The following KCNJ3 variants were observed in gnomAD, a reference collection of about 807,000 sequenced individuals.
The protein encoded by KCNJ3 is G protein-activated inward rectifier potassium channel 1.
In KCNJ3, 4 loss-of-function variants were observed where a neutral mutation model predicts 39.2. The ratio of observed to expected loss-of-function variants is 0.10; its 90% confidence interval spans 0.05 to 0.23. The LOEUF (loss-of-function observed/expected upper bound fraction) is 0.23, where lower values mean the gene tolerates loss of function less well. KCNJ3 is among the 10% of genes least tolerant of loss of function. KCNJ3 has a pLI of 1.00. For missense variants in KCNJ3, 276 were observed against 634.9 expected (o/e 0.43, Z 6.08); for synonymous variants, 230 against 237.4 (o/e 0.97, Z 0.29).
At chr2:154,726,085 G>C (rs1685352970) in intron 2 of KCNJ3, among the ~76,000 whole-genome samples, 1 of 152,000 alleles carries the variant, frequency 6.6e-6, no homozygotes, top group Non-Finnish European at 1.5e-5. Context: ...AAAAGCAAAT[G>C]CAGCAAAAAC....
At chr2:154,827,785 A>C (rs535446797) in intron 2 of KCNJ3, among the ~76,000 whole-genome samples, 1 of 152,204 alleles carries the variant, frequency 6.6e-6, no homozygotes. Flanking sequence ...ACTGTAATAT[A>C]TTCTAATCAA....
intron 2 of KCNJ3, among the ~76,000 whole-genome samples, chr2:154,787,750 A>AT (rs76245957): frequency 0.16 from 23,583 of 151,168 alleles, 1,940 homozygotes; most frequent in East Asian, 0.33. Context: ...CAACTCAAAC[A>AT]TTTTTTTCAT....
At chr2:154,846,052 G>A (rs975672185) in intron 2 of KCNJ3, among the ~76,000 whole-genome samples, 2 of 152,022 alleles carry the variant, frequency 1.3e-5, no homozygotes. Context: ...GTTAAAGGTA[G>A]TGCTTTGTCA....
At position 154,857,966 on chromosome 2, in the gene KCNJ3, G is replaced by A. The variant is rs1414001439; in HGVS notation, c.*2653G>A. 9.5e-5 allele frequency: 7 copies of A among 73,306 alleles called. No individual in the cohort carries two copies. The highest frequency in any genetic ancestry group is 3.5e-5 in the Non-Finnish European group (1 of 28,430). 4.5% of individuals were successfully genotyped at this position (73,306 alleles called of 1,614,324 possible). A position where few individuals can be genotyped will look rare whatever the true frequency, so the allele number is the denominator to read the frequency against. On this transcript the variant is annotated 3_prime_UTR_variant, in exon 3 of 3. Coordinates refer to ENST00000295101, the MANE Select transcript of KCNJ3 (RefSeq NM_002239.4). ...GTAACATAATGCAAAGTAACTGTGT[G>A]GAATAAAAATTGATTATTTTAGAAA... is the stretch of plus-strand genomic sequence containing the variant.
At chr2:154,799,809 T>A (rs1686780575) in intron 2 of KCNJ3, among the ~76,000 whole-genome samples, 1 of 152,194 alleles carries the variant, frequency 6.6e-6, no homozygotes, top group Non-Finnish European at 1.5e-5. Flanking sequence ...CTCATCAGTG[T>A]TCTCTGTTCT....
chr2:154,844,866 C>G (rs1210693855), intron 2 of KCNJ3, among the ~76,000 whole-genome samples: 1 of 152,182 alleles, frequency 6.6e-6, no homozygotes, highest in Non-Finnish European at 1.5e-5. Context: ...CTTCCCATGG[C>G]TAGGAAAGGG....
intron 2 of KCNJ3, among the ~76,000 whole-genome samples, chr2:154,770,892 C>CTTTTTTTTTTTTTT (rs35293315): frequency 9.4e-5 from 12 of 127,656 alleles, no homozygotes; most frequent in Non-Finnish European, 1.8e-4. Flanking sequence ...TTTTCTTTTT[C>CTTTTTTTTTTTTTT]TTTTTTTTTT....
intron 2 of KCNJ3, among the ~76,000 whole-genome samples, chr2:154,809,888 TTA>T (rs35622339): frequency 0.53 from 79,204 of 149,654 alleles, 21,085 homozygotes; most frequent in Non-Finnish European, 0.58. Context: ...ATAGAAAATA[TTA>T]TATATATATA....
intron 2 of KCNJ3, among the ~76,000 whole-genome samples, chr2:154,730,023 G>T (rs1685424655): frequency 6.6e-6 from 1 of 151,890 alleles, no homozygotes; most frequent in Non-Finnish European, 1.5e-5. Context: ...GCTTTTCCTA[G>T]TTGGGTTCAT....
At chr2:154,715,242 A>C (rs915129473) in intron 2 of KCNJ3, among the ~76,000 whole-genome samples, 15 of 152,220 alleles carry the variant, frequency 9.9e-5, no homozygotes, top group African/African-American at 3.6e-4. Context: ...TACAGATAGC[A>C]AAATACTGCC....
At chr2:154,703,294 C>G (rs1684942131) in intron 1 of KCNJ3, among the ~76,000 whole-genome samples, 1 of 151,990 alleles carries the variant, frequency 6.6e-6, no homozygotes, top group Non-Finnish European at 1.5e-5. Context: ...GATTAATTTT[C>G]TGGAAGCATA....
At chr2:154,770,366 C>G (rs1390900711) in intron 2 of KCNJ3, among the ~76,000 whole-genome samples, 1 of 152,054 alleles carries the variant, frequency 6.6e-6, no homozygotes, top group Non-Finnish European at 1.5e-5. Flanking sequence ...GTTCTTAATT[C>G]TGTTCCGTCG....
chr2:154,770,319 AAG>A (rs1686216834), intron 2 of KCNJ3, among the ~76,000 whole-genome samples: 2 of 152,216 alleles, frequency 1.3e-5, no homozygotes, highest in African/African-American at 4.8e-5. Context: ...ACTTCTTAGA[AAG>A]AGGAGTAGAA....
intron 2 of KCNJ3, among the ~76,000 whole-genome samples, chr2:154,838,944 G>T (rs1199696534): frequency 2.5e-4 from 37 of 149,108 alleles, no homozygotes; most frequent in Admixed American, 2.4e-3. Flanking sequence ...AAATTTTTAT[G>T]TATGTATTTA....
intron 2 of KCNJ3, among the ~76,000 whole-genome samples, chr2:154,789,903 C>T (rs73005238): frequency 0.043 from 6,563 of 152,026 alleles, 452 homozygotes; most frequent in African/African-American, 0.14. Context: ...TAAAGGAATA[C>T]AAAATGAACA....
At chr2:154,704,780 T>C (rs1684972811) in intron 1 of KCNJ3, among the ~76,000 whole-genome samples, 1 of 152,174 alleles carries the variant, frequency 6.6e-6, no homozygotes, top group South Asian at 2.1e-4. Context: ...GGTACCTGCG[T>C]TTGGCTCATT....
intron 2 of KCNJ3, among the ~76,000 whole-genome samples, chr2:154,830,725 A>G (rs1687347514): frequency 6.6e-6 from 1 of 152,052 alleles, no homozygotes. Context: ...AATTGTTCTT[A>G]GTTTAATGGC....
chr2:154,806,191 A>G (rs895579092), intron 2 of KCNJ3, among the ~76,000 whole-genome samples: 7 of 152,290 alleles, frequency 4.6e-5, no homozygotes, highest in East Asian at 1.9e-4. Context: ...CCTCCATTAC[A>G]TGAATACTGA....
At chr2:154,815,508 C>A (rs570643685) in intron 2 of KCNJ3, among the ~76,000 whole-genome samples, 25 of 152,282 alleles carry the variant, frequency 1.6e-4, no homozygotes, top group African/African-American at 5.8e-4. Flanking sequence ...ATAGGACTAT[C>A]ACACATGCCC....
Sources: allele counts gnomAD v4.1 joint callset (sites outside exome capture counted in the v4.1 genomes callset), GRCh38; gene constraint gnomAD v4.1.1; transcripts MANE v1.5; gene names NCBI Gene and HGNC (gene_info 2026-07-23, HGNC 2026-07-21).